PCOLCE2: variants seen among roughly 807,000 people sequenced by gnomAD.
PCOLCE2 encodes the protein procollagen C-proteinase enhancer 2.
In PCOLCE2, 42 loss-of-function variants were observed where a neutral mutation model predicts 47.0. That is an observed-to-expected ratio of 0.89 (90% CI 0.70 to 1.16). PCOLCE2 has a LOEUF of 1.16. PCOLCE2 is among the 50% of genes most tolerant of loss of function. The pLI, the probability that PCOLCE2 is intolerant of heterozygous loss-of-function variation, is 0.00. For synonymous variants in PCOLCE2, 169 were observed against 191.7 expected, an observed-to-expected ratio of 0.88 and a Z score of 0.98; for missense variants, 500 against 526.1, an observed-to-expected ratio of 0.95 and a Z score of 0.49.
intron 6 of PCOLCE2, among the ~76,000 whole-genome samples, chr3:142,826,367 C>T (rs1937078050): frequency 6.6e-6 from 1 of 152,128 alleles, no homozygotes; most frequent in Admixed American, 6.5e-5. Context: ...AAGATCCCCA[C>T]CAAACCTCCA....
intron 5 of PCOLCE2, among the ~76,000 whole-genome samples, chr3:142,830,614 T>A (rs1337298956): frequency 6.6e-6 from 1 of 152,230 alleles, no homozygotes; most frequent in Non-Finnish European, 1.5e-5. Flanking sequence ...GCTCTAATTT[T>A]AGGAGCTTCC....
Position 142,838,891 on chromosome 3 carries a change from A to G in PCOLCE2, c.589T>C (p.Phe197Leu). 6.2e-7 allele frequency: 1 copy of G among 1,612,246 alleles called. No homozygotes were observed. The highest frequency in any genetic ancestry group is 8.5e-7 in the Non-Finnish European group (1 of 1,178,346). ...TCTCGCTCCACATCAAACTTCTCAA[A>G]CTTTAATTCTATAAGCTTTAGAGAA... ...APKNQLIELK[F>L]EKFDVERDNY... is the part of the protein sequence containing the mutation. Residue 197 changes from phenylalanine to leucine, a missense_variant, in exon 5 of 9, where the codon TTT (phenylalanine) becomes CTT (leucine). By Grantham distance (22) the Phe-to-Leu change is conservative. Coordinates refer to ENST00000295992, the MANE Select transcript of PCOLCE2 (RefSeq NM_013363.4).
chr3:142,888,846 G>A lies in PCOLCE2; in HGVS notation c.51C>T (p.Ala17=), dbSNP rs1420909727. The part of the protein sequence containing the change: ...WAPLCLLLAA[A]TQLSRQQSPE... ...GGGACTGCTGCCGCGAGAGCTGGGT[G>A]GCGGCAGCCAGCAGCAGGCAGAGTG... The change falls in exon 1 of 9, where the codon GCC becomes GCT. Residue 17 remains alanine (A), a synonymous_variant. Transcript: ENST00000295992. 1 of 1,547,052 alleles carries A rather than the reference G, an allele frequency of 6.5e-7. No individual in the cohort carries two copies. Among genetic ancestry groups the A allele is most frequent in the Admixed American group, 2.0e-5 (1 of 50,694 alleles).
rs1368081860 is a variant in PCOLCE2 at position 142,838,780 on chromosome 3, T to C, written c.700A>G (p.Ser234Gly). The change falls in exon 5 of 9, where the codon AGT becomes GGT. Residue 234 changes from serine to glycine, a missense_variant. Transcript: ENST00000295992. ...ATAGGTGCTACTTACGCAGGTGGAC[T>C]ATCACCACAATACTTTCCAATTCTT... ...ARRIGKYCGD[S>G]PPAPIVSERN... 5 of 1,613,488 alleles carry C rather than the reference T, an allele frequency of 3.1e-6. No homozygotes were observed. The highest frequency in any genetic ancestry group is 3.3e-5 in the Admixed American group (2 of 59,972).
chr3:142,845,924 G>A (rs908070591), intron 3 of PCOLCE2, among the ~76,000 whole-genome samples: 2 of 152,062 alleles, frequency 1.3e-5, no homozygotes, highest in Admixed American at 6.5e-5. Flanking sequence ...GCAGTGGGCC[G>A]AGATAGCACC....
chr3:142,850,413 G>T (rs919062566), intron 2 of PCOLCE2, among the ~76,000 whole-genome samples: 13 of 152,118 alleles, frequency 8.5e-5, no homozygotes, highest in African/African-American at 3.1e-4. Context: ...GAGTGAATGT[G>T]GATAGAAAAA....
intron 2 of PCOLCE2, among the ~76,000 whole-genome samples, chr3:142,870,720 T>C (rs2108207817): frequency 6.6e-6 from 1 of 151,888 alleles, no homozygotes; most frequent in South Asian, 2.1e-4. Context: ...TTTTTTTTTT[T>C]TTTTTTACTA....
chr3:142,827,610 A>C lies in PCOLCE2; in HGVS notation c.865+2082T>G, dbSNP rs774092663. The C allele has an allele frequency of 5.0e-5, 74 of 1,474,568 alleles. No individual in the cohort carries two copies. In the East Asian group the frequency reaches 1.4e-3, roughly 28 times the overall value. 91.3% of individuals were successfully genotyped at this position (1,474,568 alleles called of 1,614,324 possible). A position where few individuals can be genotyped will look rare whatever the true frequency, so the allele number is the denominator to read the frequency against. Reference sequence around the variant, plus strand: ...TGGGCCTTCTTGCCGCAATACACAAACTGGCCCGTGTGAATGCCCTCGGCA... The same window carrying C: ...TGGGCCTTCTTGCCGCAATACACAACCTGGCCCGTGTGAATGCCCTCGGCA... On this transcript the variant is annotated intron_variant, in intron 6 of 8. Transcript: ENST00000295992.
At chr3:142,859,041 T>C (rs1382764541) in intron 2 of PCOLCE2, among the ~76,000 whole-genome samples, 2 of 151,848 alleles carry the variant, frequency 1.3e-5, no homozygotes, top group Non-Finnish European at 2.9e-5. Context: ...GGAGCCTTTT[T>C]GTCATACAAC....
intron 2 of PCOLCE2, among the ~76,000 whole-genome samples, chr3:142,874,845 A>G (rs531333340): frequency 1.3e-5 from 2 of 152,334 alleles, no homozygotes; most frequent in Admixed American, 6.5e-5. Context: ...TATAATAAAG[A>G]TGTCCCCGAA....
At chr3:142,882,609 C>T (rs926376379) in intron 2 of PCOLCE2, among the ~76,000 whole-genome samples, 2 of 151,254 alleles carry the variant, frequency 1.3e-5, no homozygotes, top group Non-Finnish European at 2.9e-5. Context: ...AGAGGTCTCA[C>T]TCTGTCGCCC....
In PCOLCE2 at chr3:142,838,792, A is replaced by T; in HGVS notation, c.688T>A (p.Tyr230Asn). The T allele has an allele frequency of 6.2e-7, 1 of 1,613,780 alleles. No individual in the cohort carries two copies. The highest frequency in any genetic ancestry group is 8.5e-7 in the Non-Finnish European group (1 of 1,179,808). The change falls in exon 5 of 9, where the codon TAT becomes AAT. Residue 230 changes from tyrosine (Y) to asparagine (N), a missense_variant. Coordinates refer to ENST00000295992, the MANE Select transcript of PCOLCE2 (RefSeq NM_013363.4). ...EVNDARRIGK[Y>N]CGDSPPAPIV... Reference sequence around the variant, plus strand: ...TACGCAGGTGGACTATCACCACAATACTTTCCAATTCTTCTAGCATCGTTG... The same window carrying T: ...TACGCAGGTGGACTATCACCACAATTCTTTCCAATTCTTCTAGCATCGTTG...
chr3:142,829,955 T>A lies in PCOLCE2; in HGVS notation c.711-109A>T, dbSNP rs149897142. 4.8e-5 allele frequency: 28 copies of A among 586,534 alleles called. No homozygotes were observed. The African/African-American group carries it at 4.9e-4, about 10-fold the overall frequency. 36.3% of individuals were successfully genotyped at this position (586,534 alleles called of 1,614,324 possible). A position where few individuals can be genotyped will look rare whatever the true frequency, so the allele number is the denominator to read the frequency against. On this transcript the variant is annotated intron_variant, in intron 5 of 8. Transcript: ENST00000295992. ...ACTTCCGACAATAGATTACCAGTTG[T>A]TTAAACTTAAAAGTTAAAACGTTTA...
At chr3:142,870,659 T>C (rs1045520705) in intron 2 of PCOLCE2, among the ~76,000 whole-genome samples, 3 of 152,076 alleles carry the variant, frequency 2.0e-5, no homozygotes, top group African/African-American at 7.3e-5. Context: ...AGCAAGCCAT[T>C]TGAAACAGAG....
intron 2 of PCOLCE2, among the ~76,000 whole-genome samples, chr3:142,886,106 T>G (rs1933713477): frequency 6.6e-6 from 1 of 152,208 alleles, no homozygotes; most frequent in African/African-American, 2.4e-5. Context: ...TCACAGGCTT[T>G]CCCTTCACAG....
chr3:142,838,813 C>T lies in PCOLCE2; in HGVS notation c.667G>A (p.Asp223Asn), dbSNP rs139818603. 4.3e-6 allele frequency: 7 copies of T among 1,613,798 alleles called. No individual in the cohort carries two copies. In the East Asian group the frequency reaches 6.7e-5, roughly 15 times the overall value. ...VAVFNGGEVN[D>N]ARRIGKYCGD... ...CAATACTTTCCAATTCTTCTAGCAT[C>T]GTTGACTTCCCCGCCATTAAACACA... is the stretch of plus-strand genomic sequence containing the variant. Residue 223 changes from aspartate (D) to asparagine (N), a missense_variant, in exon 5 of 9, where the codon GAT (aspartate) becomes AAT (asparagine). Transcript: ENST00000295992.
chr3:142,856,937 C>G (rs1476848472), intron 2 of PCOLCE2, among the ~76,000 whole-genome samples: 1 of 149,760 alleles, frequency 6.7e-6, no homozygotes, highest in African/African-American at 2.5e-5. Flanking sequence ...GGGTTTACAG[C>G]AAAAATTTTT....
intron 5 of PCOLCE2, among the ~76,000 whole-genome samples, chr3:142,833,481 C>A (rs1216399861): frequency 1.4e-5 from 2 of 141,534 alleles, no homozygotes; most frequent in Non-Finnish European, 3.1e-5. Flanking sequence ...CACGCTCAGC[C>A]TTTTTTTTTT....
rs143829364 is a variant in PCOLCE2 at position 142,858,870 on chromosome 3, C to T, written c.193-10398G>A. On this transcript the variant is annotated intron_variant, in intron 2 of 8. Coordinates refer to ENST00000295992, the MANE Select transcript of PCOLCE2 (RefSeq NM_013363.4). ...ATTTTAGGGCATTCTTTCAATTCTC[C>T]GGAAGTTGTCAACATAAATTAATCC... 9.7e-3 allele frequency among the ~76,000 whole-genome samples: 1,482 copies of T among 152,150 alleles called. 25 individuals carry two copies. The highest frequency in any genetic ancestry group is 0.034 in the African/African-American group (1,420 of 41,490).
Sources: gnomAD v4.1 joint callset for allele counts (sites outside exome capture counted in the v4.1 genomes callset) on GRCh38, gnomAD v4.1.1 for gene constraint, MANE v1.5 for transcripts, NCBI Gene and HGNC (gene_info 2026-07-23, HGNC 2026-07-21) for gene names.